Variants in TFG observed in about 807,000 individuals in gnomAD.
TFG encodes the protein trafficking from ER to golgi regulator.
TFG carries 22 observed loss-of-function variants against 51.4 expected under a neutral mutation model. The ratio of observed to expected loss-of-function variants is 0.43; its 90% confidence interval spans 0.31 to 0.61. The LOEUF (loss-of-function observed/expected upper bound fraction) is 0.61, where lower values mean the gene tolerates loss of function less well. TFG is among the 20% of genes least tolerant of loss of function. TFG has a pLI of 0.12. For missense variants in TFG, 419 were observed against 487.7 expected, an observed-to-expected ratio of 0.86 and a Z score of 1.33; for synonymous variants, 187 against 165.6, an observed-to-expected ratio of 1.13 and a Z score of -0.99.
In TFG at chr3:100,728,762, C is replaced by T. The variant is rs760613274; in HGVS notation, c.319C>T (p.Arg107Ter). 1.9e-6 allele frequency: 3 copies of T among 1,612,840 alleles called. No individual in the cohort carries two copies. Among genetic ancestry groups the T allele is most frequent in the Non-Finnish European group, 2.5e-6 (3 of 1,179,394 alleles). Residue 107 changes from arginine to a stop codon, truncating the protein, a stop_gained, in exon 4 of 8, where the codon CGA becomes TGA. Coordinates refer to ENST00000240851, the MANE Select transcript of TFG (RefSeq NM_006070.6). LOFTEE classifies it high-confidence loss of function. The part of the protein sequence containing the change: ...LESSQVKYLR[R>*]ELIELRNKVN... ...ATCAAGTCAGGTGAAATATCTCCGT[C>T]GAGAACTGATAGAACTTCGAAATAA...
chr3:100,728,844 A>G lies in TFG; in HGVS notation c.401A>G (p.Asn134Ser), dbSNP rs768746409. The change falls in exon 4 of 8, where the codon AAT (asparagine) becomes AGT (serine). Residue 134 changes from asparagine to serine, a missense_variant. Around this residue, in one of 3 missense-constraint regions of TFG, gnomAD observed 391 missense variants for 434.4 expected, o/e 0.90. Transcript: ENST00000240851. ...CCTGGAGAACCAGGACCTTCCACCA[A>G]TATTCCTGAAAATGGTAAACCCTGA... ...EPPGEPGPSTNIPENDTVDGR... is the reference protein window; with the variant it reads ...EPPGEPGPSTSIPENDTVDGR... 1.6e-5 allele frequency: 26 copies of G among 1,604,670 alleles called. No homozygotes were observed. The East Asian group carries it at 3.8e-4, about 24-fold the overall frequency.
At chr3:100,726,610 A>G (rs1333430459) in intron 3 of TFG, among the ~76,000 whole-genome samples, 1 of 152,216 alleles carries the variant, frequency 6.6e-6, no homozygotes, top group African/African-American at 2.4e-5. Context: ...AGGAATGTAA[A>G]TGCAAGGTTC....
At chr3:100,725,169 G>GT (rs1376975895) in intron 3 of TFG, among the ~76,000 whole-genome samples, 1 of 152,032 alleles carries the variant, frequency 6.6e-6, no homozygotes, top group African/African-American at 2.4e-5. Flanking sequence ...GCCTCCCAAA[G>GT]TGCAGGGATT....
upstream of TFG, chr3:100,709,467 A>ATT: frequency 1.4e-5 from 2 of 147,972 alleles, no homozygotes; most frequent in Non-Finnish European, 3.0e-5. Flanking sequence ...GCGAAAGGAC[A>ATT]TTTTTTTTTT....
intron 6 of TFG, among the ~76,000 whole-genome samples, chr3:100,738,375 C>G (rs2095112418): frequency 6.6e-6 from 1 of 152,126 alleles, no homozygotes; most frequent in African/African-American, 2.4e-5. Flanking sequence ...TAAATAAATC[C>G]CATTTTAAGC....
chr3:100,748,050 T>C (rs755767571), intron 7 of TFG, 99 bp from the exon 8 acceptor site: 3 of 1,116,842 alleles, frequency 2.7e-6, no homozygotes, highest in Non-Finnish European at 3.9e-6. Context: ...ATTTATTAAA[T>C]TTCTCACCAT....
chr3:100,740,061 T>C lies in TFG; in HGVS notation c.721+3345T>C, dbSNP rs536970274. Among the ~76,000 whole-genome samples, 10 of 152,272 alleles carry C rather than the reference T, an allele frequency of 6.6e-5. No individual in the cohort carries two copies. In the East Asian group the frequency reaches 1.9e-3, roughly 29 times the overall value. ...GAGGGGCCTAACAAGGTTCACACTTTGCATTGTTAATGTGTCTTGAGTCGT... is the reference window on the plus strand; with the variant it reads ...GAGGGGCCTAACAAGGTTCACACTTCGCATTGTTAATGTGTCTTGAGTCGT... On this transcript the variant is annotated intron_variant, in intron 6 of 7. Transcript: ENST00000240851.
Position 100,710,205 on chromosome 3 carries a change from C to T in TFG, c.-44+484C>T, listed in dbSNP as rs539860862. ...TCGGAGCCTAGTTCCTTGGCTAAGTCAGCGCTTAATCAAGCGCCGGCTGGA... is the reference window on the plus strand; with the variant it reads ...TCGGAGCCTAGTTCCTTGGCTAAGTTAGCGCTTAATCAAGCGCCGGCTGGA... On this transcript the variant is annotated intron_variant, in intron 1 of 7. Transcript: ENST00000240851. 2.0e-5 allele frequency: 3 copies of T among 152,362 alleles called. No individual in the cohort carries two copies. In the South Asian group the frequency reaches 6.2e-4, roughly 32 times the overall value. The allele number at this position is 152,362 out of a possible 1,614,324, so 9.4% of individuals were successfully genotyped here. A position where few individuals can be genotyped will look rare whatever the true frequency, so the allele number is the denominator to read the frequency against.
chr3:100,736,645 C>G lies in TFG; in HGVS notation c.650C>G (p.Ala217Gly), dbSNP rs763290821. 1 of 1,613,992 alleles carries G rather than the reference C, an allele frequency of 6.2e-7. No individual in the cohort carries two copies. The highest frequency in any genetic ancestry group is 8.5e-7 in the Non-Finnish European group (1 of 1,179,970). ...PDSIASSSSA[A>G]HPPGVQPQQP... ...AGCATTGCTTCCTCCTCCTCAGCAG[C>G]TCACCCACCAGGCGTTCAGCCACAG... Residue 217 changes from alanine to glycine, a missense_variant, in exon 6 of 8, where the codon GCT becomes GGT. Ala to Gly is a moderately conservative substitution (Grantham distance 60). Transcript: ENST00000240851.
intron 6 of TFG, among the ~76,000 whole-genome samples, chr3:100,737,901 T>G (rs938174777): frequency 2.0e-5 from 3 of 151,886 alleles, no homozygotes; most frequent in African/African-American, 7.3e-5. Flanking sequence ...AAAAAAAGAT[T>G]TAAAAAAATT....
intron 6 of TFG, chr3:100,743,641 A>G (rs1421529164): frequency 6.6e-6 from 1 of 152,156 alleles, no homozygotes; most frequent in Admixed American, 6.5e-5. Context: ...TAAGCTGGAT[A>G]TAAACATAGT....
At chr3:100,728,323 T>C (rs1376167801) in intron 3 of TFG, among the ~76,000 whole-genome samples, 1 of 150,382 alleles carries the variant, frequency 6.6e-6, no homozygotes, top group Non-Finnish European at 1.5e-5. Context: ...TTAAGTTATA[T>C]AATTTTTATT....
At chr3:100,735,834 A>G in intron 5 of TFG, among the ~76,000 whole-genome samples, 1 of 152,172 alleles carries the variant, frequency 6.6e-6, no homozygotes. Flanking sequence ...ATCAACAGTC[A>G]GGAGCCCGGC....
chr3:100,713,603 G>C (rs2095037005), intron 1 of TFG, 40 bp from the exon 2 acceptor site: 7 of 985,664 alleles, frequency 7.1e-6, no homozygotes, highest in Middle Eastern at 2.3e-4. Context: ...AACTTTTACG[G>C]TATGTTTTGT....
intron 1 of TFG, chr3:100,710,137 G>GT (rs1242825101): frequency 6.6e-6 from 1 of 152,282 alleles, no homozygotes. Context: ...TCGGAAGGGT[G>GT]TGGAGTGGCG....
chr3:100,709,832 C>G (rs1176964437), intron 1 of TFG, 111 bp downstream of exon 1: 1 of 137,736 alleles, frequency 7.3e-6, no homozygotes, highest in South Asian at 2.5e-4. Flanking sequence ...GTCGGAGGCA[C>G]TGTGGGAAGG....
At chr3:100,745,225 A>C (rs1465511727) in intron 7 of TFG, among the ~76,000 whole-genome samples, 3 of 152,186 alleles carry the variant, frequency 2.0e-5, no homozygotes, top group Non-Finnish European at 4.4e-5. Flanking sequence ...TTTATCTCTT[A>C]GGCGACTTAG....
At chr3:100,713,121 A>G (rs567124043) in intron 1 of TFG, among the ~76,000 whole-genome samples, 2 of 152,236 alleles carry the variant, frequency 1.3e-5, no homozygotes, top group Non-Finnish European at 2.9e-5. Context: ...AAAAGCAGGC[A>G]GACTGGTTAG....
intron 3 of TFG, among the ~76,000 whole-genome samples, chr3:100,721,568 G>A (rs1484046211): frequency 1.3e-5 from 2 of 152,184 alleles, no homozygotes; most frequent in Admixed American, 6.5e-5. Context: ...GTCCTTAGGT[G>A]AGTTGGGTTT....
Sources: gnomAD v4.1 joint callset for allele counts (sites outside exome capture counted in the v4.1 genomes callset) on GRCh38, gnomAD v4.1.1 for gene constraint, gnomAD v4.1.1 regional missense constraint, MANE v1.5 for transcripts, NCBI Gene and HGNC (gene_info 2026-07-23, HGNC 2026-07-21) for gene names.